ARMC8: variants seen among roughly 807,000 people sequenced by gnomAD.
ARMC8 encodes the protein armadillo repeat-containing protein 8.
In ARMC8, 20 loss-of-function variants were observed where a neutral mutation model predicts 99.3. The ratio of observed to expected loss-of-function variants is 0.20; its 90% CI spans 0.14 to 0.29. ARMC8 has a LOEUF of 0.29. ARMC8 is among the 10% of genes least tolerant of loss of function. The pLI is 1.00. For synonymous variants in ARMC8, 263 were observed against 278.3 expected (o/e 0.95, Z 0.55); for missense variants, 569 against 809.5 (o/e 0.70, Z 3.60).
intron 9 of ARMC8, among the ~76,000 whole-genome samples, chr3:138,237,781 G>A (rs1471404840): frequency 1.3e-5 from 2 of 152,068 alleles, no homozygotes; most frequent in Admixed American, 6.6e-5. Context: ...AGGAACTCTC[G>A]TATAACATCT....
rs1315051448 is a variant in ARMC8 at position 138,272,825 on chromosome 3, T to C, written c.1480-142T>C. The C allele has an allele frequency of 4.6e-6, 3 of 646,416 alleles. No homozygotes were observed. In the East Asian group the frequency reaches 1.1e-4, roughly 23 times the overall value. The allele number at this position is 646,416 out of a possible 1,614,324, so 40.0% of individuals were successfully genotyped here. A position where few individuals can be genotyped will look rare whatever the true frequency, so the allele number is the denominator to read the frequency against. ...AGGCAGAGGTTGCAGTGAGCCGTTA[T>C]TGTGCCACTGCACACCAGCCTGGGC... On this transcript the variant is annotated intron_variant, in intron 16 of 21. Transcript: ENST00000469044.
intron 2 of ARMC8, among the ~76,000 whole-genome samples, chr3:138,213,872 A>C (rs575903816): frequency 7.2e-5 from 11 of 152,274 alleles, no homozygotes; most frequent in African/African-American, 2.4e-4. Context: ...TGAAAAGATT[A>C]ACAGAGGCCA....
At chr3:138,265,612 C>T (rs1033582020) in intron 14 of ARMC8, among the ~76,000 whole-genome samples, 3 of 152,104 alleles carry the variant, frequency 2.0e-5, no homozygotes, top group African/African-American at 7.2e-5. Flanking sequence ...ATAAAGTGGG[C>T]TTTGAAAGCA....
rs760117043 is a variant in ARMC8 at position 138,218,143 on chromosome 3, A to G, written c.123-3783A>G. ...GAAGGGTCCAAAAGTCTAATGAAAT[A>G]GTCAAATAACTAAAGAGACCATCCA... On this transcript the variant is annotated intron_variant, in intron 2 of 21. Transcript: ENST00000469044. 4.4e-4 allele frequency among the ~76,000 whole-genome samples: 67 copies of G among 152,224 alleles called. 1 individual carries two copies. Among genetic ancestry groups the G allele is most frequent in the African/African-American group, 2.4e-5 (1 of 41,462 alleles).
intron 12 of ARMC8, among the ~76,000 whole-genome samples, chr3:138,252,611 G>A (rs1036945466): frequency 2.0e-5 from 3 of 151,576 alleles, no homozygotes; most frequent in Non-Finnish European, 4.4e-5. Flanking sequence ...CCGCCACCAC[G>A]CCTGGCTAAT....
chr3:138,267,386 G>A (rs2048374995), intron 15 of ARMC8, 145 bp downstream of exon 15: 2 of 485,036 alleles, frequency 4.1e-6, no homozygotes, highest in South Asian at 4.0e-5. Flanking sequence ...GTAGGGGTGT[G>A]CAAATAAATC....
chr3:138,268,564 T>C (rs2048492905), intron 15 of ARMC8, among the ~76,000 whole-genome samples: 1 of 152,156 alleles, frequency 6.6e-6, no homozygotes, highest in Non-Finnish European at 1.5e-5. Flanking sequence ...TTTTTTTATA[T>C]TGAAAAATTA....
chr3:138,264,094 G>A, intron 13 of ARMC8, 37 bp from the exon 14 acceptor site: 1 of 1,578,458 alleles, frequency 6.3e-7, no homozygotes. Context: ...TAAAAGTTTT[G>A]ATTTCTTGTG....
chr3:138,274,603 T>G, intron 18 of ARMC8, 59 bp downstream of exon 18: 1 of 1,262,824 alleles, frequency 7.9e-7, no homozygotes, highest in Non-Finnish European at 1.2e-6. Flanking sequence ...AGGAAGTTCT[T>G]AAGAGTCTCC....
At chr3:138,294,855 CATT>C (rs2051316229) in intron 21 of ARMC8, among the ~76,000 whole-genome samples, 1 of 151,658 alleles carries the variant, frequency 6.6e-6, no homozygotes, top group African/African-American at 2.4e-5. Flanking sequence ...TCACTGTTCA[CATT>C]ATTTTTTGGT....
intron 18 of ARMC8, among the ~76,000 whole-genome samples, chr3:138,280,797 T>C (rs1346744191): frequency 2.6e-5 from 4 of 152,060 alleles, no homozygotes; most frequent in African/African-American, 7.2e-5. Context: ...TGGCCAACTT[T>C]TTGTATTTTT....
intron 12 of ARMC8, chr3:138,245,844 T>C: frequency 1.0e-6 from 1 of 985,676 alleles, no homozygotes; most frequent in African/African-American, 1.7e-5. Context: ...AAGCTCTGAC[T>C]TGGCTCCTTC....
intron 2 of ARMC8, among the ~76,000 whole-genome samples, chr3:138,216,990 A>G (rs2045086168): frequency 6.6e-6 from 1 of 152,208 alleles, no homozygotes; most frequent in Admixed American, 6.5e-5. Context: ...GTTTAGCTAC[A>G]CATTACCTAC....
chr3:138,289,137 A>G lies in ARMC8; in HGVS notation c.1894+17A>G. On this transcript the variant is annotated intron_variant, in intron 20 of 21. Coordinates refer to ENST00000469044, the MANE Select transcript of ARMC8 (RefSeq NM_001363941.2). Reference sequence around the variant, plus strand: ...AAGAGGAAGGTAAGAGATTGGTGAGATTTGTTTTGAAAAAAATTATGGGAA... The same window carrying G: ...AAGAGGAAGGTAAGAGATTGGTGAGGTTTGTTTTGAAAAAAATTATGGGAA... The G allele has an allele frequency of 6.2e-7, 1 of 1,602,796 alleles. No homozygotes were observed. Among genetic ancestry groups the G allele is most frequent in the African/African-American group, 1.3e-5 (1 of 74,738 alleles).
At chr3:138,283,141 C>G (rs1217171233) in intron 18 of ARMC8, among the ~76,000 whole-genome samples, 1 of 152,168 alleles carries the variant, frequency 6.6e-6, no homozygotes, top group Non-Finnish European at 1.5e-5. Context: ...CAGAGGCAGC[C>G]TTTTCTGGTT....
chr3:138,216,243 A>G (rs1576640785), intron 2 of ARMC8, among the ~76,000 whole-genome samples: 1 of 152,086 alleles, frequency 6.6e-6, no homozygotes, highest in South Asian at 2.1e-4. Flanking sequence ...GTTTATAAGA[A>G]TGAACTAAAT....
chr3:138,200,297 C>T (rs1207437896), intron 1 of ARMC8, among the ~76,000 whole-genome samples: 2 of 142,720 alleles, frequency 1.4e-5, no homozygotes, highest in Non-Finnish European at 2.9e-5. Context: ...GTGACAGTTA[C>T]ACTGCAGACT....
At chr3:138,194,265 G>A (rs1390682994) in intron 1 of ARMC8, among the ~76,000 whole-genome samples, 1 of 150,566 alleles carries the variant, frequency 6.6e-6, no homozygotes, top group African/African-American at 2.4e-5. Flanking sequence ...GTATGGTCTC[G>A]ATCTCCTGAC....
intron 6 of ARMC8, 184 bp downstream of exon 6, chr3:138,229,194 A>G (rs1474681513): frequency 3.1e-5 from 4 of 128,448 alleles, no homozygotes; most frequent in Non-Finnish European, 1.6e-5. Context: ...GTATATGTAT[A>G]TGTATATGTA....
Sources: allele counts gnomAD v4.1 joint callset (sites outside exome capture counted in the v4.1 genomes callset), GRCh38; gene constraint gnomAD v4.1.1; transcripts MANE v1.5; gene names NCBI Gene and HGNC (gene_info 2026-07-23, HGNC 2026-07-21).